EHMT1: variants seen among roughly 807,000 people sequenced by gnomAD.
The protein encoded by EHMT1 is histone-lysine N-methyltransferase EHMT1.
In EHMT1, 15 loss-of-function variants were observed where a neutral mutation model predicts 147.2. The observed-to-expected ratio is 0.10, with a 90% CI of 0.07 to 0.16. The LOEUF (loss-of-function observed/expected upper bound fraction) is 0.16, where lower values mean the gene tolerates loss of function less well. Among genes scored for constraint, EHMT1 ranks in the 10% least tolerant of loss-of-function variants. The pLI, the probability that EHMT1 is intolerant of heterozygous loss-of-function variation, is 1.00. For missense variants in EHMT1, 1,587 were observed against 1,772.4 expected (o/e 0.90, Z 1.88); for synonymous variants, 795 against 709.6 (o/e 1.12, Z -1.91).
At chr9:137,767,987 C>T (rs2136464511) in intron 10 of EHMT1, among the ~76,000 whole-genome samples, 1 of 152,252 alleles carries the variant, frequency 6.6e-6, no homozygotes, top group Non-Finnish European at 1.5e-5. Flanking sequence ...TTTAGATGTA[C>T]ATATACTTCC....
intron 1 of EHMT1, among the ~76,000 whole-genome samples, chr9:137,704,400 G>T (rs1197409281): frequency 6.6e-6 from 1 of 152,186 alleles, no homozygotes; most frequent in Non-Finnish European, 1.5e-5. Context: ...TTGTGGCCTT[G>T]CCCTGGTTGT....
Position 137,619,199 on chromosome 9 carries a change from C to A in EHMT1, c.21+150C>A, listed in dbSNP as rs1159775519. On this transcript the variant is annotated intron_variant, in intron 1 of 26. Coordinates refer to ENST00000460843, the MANE Select transcript of EHMT1 (RefSeq NM_024757.5). ...CCGCCGCCGCCGCCGCCGCTGCCGC[C>A]GCCTCAGGCCGAGGCCGGGCCGAGG... 3.4e-4 allele frequency: 49 copies of A among 143,834 alleles called. 1 individual carries two copies. Among genetic ancestry groups the A allele is most frequent in the Non-Finnish European group, 6.5e-4 (43 of 66,540 alleles). 8.9% of individuals were successfully genotyped at this position (143,834 alleles called of 1,614,324 possible).
intron 16 of EHMT1, among the ~76,000 whole-genome samples, chr9:137,798,011 T>G (rs1218051186): frequency 6.6e-6 from 1 of 152,222 alleles, no homozygotes; most frequent in East Asian, 1.9e-4. Context: ...GTCTTTGTTT[T>G]CCTTTGAGAT....
chr9:137,687,122 A>G (rs1029350701), intron 1 of EHMT1, among the ~76,000 whole-genome samples: 3 of 152,156 alleles, frequency 2.0e-5, no homozygotes, highest in African/African-American at 7.2e-5. Flanking sequence ...CTTGTCAAAT[A>G]TCGATATACT....
chr9:137,722,404 G>A (rs113873049), intron 3 of EHMT1, among the ~76,000 whole-genome samples: 4 of 152,366 alleles, frequency 2.6e-5, no homozygotes, highest in African/African-American at 9.6e-5. Context: ...TCTGTTGTAG[G>A]AAAAGAGAAC....
chr9:137,640,235 T>A (rs7864222), intron 1 of EHMT1, among the ~76,000 whole-genome samples: 5,162 of 152,224 alleles, frequency 0.034, 289 homozygotes, highest in African/African-American at 0.11. Context: ...GTGCCTGGCC[T>A]GTAACCTTAT....
intron 6 of EHMT1, 104 bp downstream of exon 6, chr9:137,744,194 C>A: frequency 8.2e-7 from 1 of 1,226,898 alleles, no homozygotes; most frequent in Non-Finnish European, 1.2e-6. Flanking sequence ...CTGATAAAAT[C>A]CCCTGTTTAC....
intron 4 of EHMT1, among the ~76,000 whole-genome samples, chr9:137,741,773 A>ATT (rs1388396009): frequency 6.6e-6 from 1 of 152,056 alleles, no homozygotes; most frequent in East Asian, 1.9e-4. Flanking sequence ...CAAACATTGT[A>ATT]TTTTCAACCT....
chr9:137,709,949 T>A (rs1365638693), intron 1 of EHMT1, among the ~76,000 whole-genome samples: 1 of 152,058 alleles, frequency 6.6e-6, no homozygotes, highest in Non-Finnish European at 1.5e-5. Context: ...CCACTTGCAG[T>A]CTGGCATCTC....
chr9:137,642,261 G>A (rs867969405), intron 1 of EHMT1, among the ~76,000 whole-genome samples: 2 of 152,192 alleles, frequency 1.3e-5, no homozygotes, highest in South Asian at 2.1e-4. Context: ...TGCTTTCTGC[G>A]TCTTCTGTCT....
At chr9:137,798,765 C>G (rs1324118325) in intron 16 of EHMT1, 48 bp from the exon 17 acceptor site, 24 of 1,504,090 alleles carry the variant, frequency 1.6e-5, no homozygotes, top group Non-Finnish European at 1.9e-5. Context: ...GCTGGCACAC[C>G]AGGATCACAG....
chr9:137,792,662 G>A (rs1436435121), intron 16 of EHMT1, among the ~76,000 whole-genome samples: 2 of 152,190 alleles, frequency 1.3e-5, no homozygotes, highest in African/African-American at 4.8e-5. Flanking sequence ...CCGAGATCAC[G>A]CCACTGCGCT....
chr9:137,655,204 G>A (rs1049571343), intron 1 of EHMT1, among the ~76,000 whole-genome samples: 9 of 151,808 alleles, frequency 5.9e-5, no homozygotes, highest in Non-Finnish European at 1.0e-4. Context: ...TAGTAGAGAC[G>A]GCATTTCACC....
At chr9:137,771,356 T>C (rs1239179669) in intron 10 of EHMT1, among the ~76,000 whole-genome samples, 1 of 152,080 alleles carries the variant, frequency 6.6e-6, no homozygotes, top group Non-Finnish European at 1.5e-5. Context: ...CTCGCCACCA[T>C]GCCTGGCTAA....
At chr9:137,810,775 T>C (rs1198989577) in intron 18 of EHMT1, among the ~76,000 whole-genome samples, 1 of 152,048 alleles carries the variant, frequency 6.6e-6, no homozygotes, top group South Asian at 2.1e-4. Context: ...CTCGGCTCAC[T>C]GTAACCCTCT....
chr9:137,803,230 T>C (rs1953651069), intron 18 of EHMT1: 1 of 1,122,838 alleles, frequency 8.9e-7, no homozygotes, highest in Non-Finnish European at 1.1e-6. Context: ...AACCACTTTA[T>C]TGCTGTATAA....
At chr9:137,684,901 C>T (rs1942294569) in intron 1 of EHMT1, among the ~76,000 whole-genome samples, 1 of 151,998 alleles carries the variant, frequency 6.6e-6, no homozygotes, top group Non-Finnish European at 1.5e-5. Flanking sequence ...TTTTTTACTC[C>T]ACAAGTTATT....
At chr9:137,795,440 C>T (rs1329462858) in intron 16 of EHMT1, among the ~76,000 whole-genome samples, 2 of 150,224 alleles carry the variant, frequency 1.3e-5, no homozygotes, top group Non-Finnish European at 3.0e-5. Flanking sequence ...CTCACACTCA[C>T]ATACACACAC....
rs73574170 is a variant in EHMT1, at chr9:137,757,780, T to G, written c.1370-100T>G. 3.8e-3 allele frequency: 5,840 copies of G among 1,555,064 alleles called. 217 individuals are homozygous for G. The African/African-American group carries it at 0.071, about 19-fold the overall frequency. ...TGGTTTTGAATGGATTAATTAGAAG[T>G]AGTCCATTTCCTGGGGCCCCAGCCT... On this transcript the variant is annotated intron_variant, in intron 8 of 26. Coordinates refer to ENST00000460843, the MANE Select transcript of EHMT1 (RefSeq NM_024757.5).
Sources: gnomAD v4.1 joint callset for allele counts (sites outside exome capture counted in the v4.1 genomes callset) on GRCh38, gnomAD v4.1.1 for gene constraint, MANE v1.5 for transcripts, NCBI Gene and HGNC (gene_info 2026-07-23, HGNC 2026-07-21) for gene names.